The following PAOX variants were observed in gnomAD, a reference collection of about 807,000 sequenced individuals.
PAOX encodes the protein peroxisomal N(1)-acetyl-spermine/spermidine oxidase.
Under a neutral mutation model 39.0 loss-of-function variants are expected in PAOX, and 38 were observed. That is an observed-to-expected ratio of 0.97 (90% CI 0.75 to 1.28). The LOEUF (loss-of-function observed/expected upper bound fraction) is 1.28, where lower values mean the gene tolerates loss of function less well. Among genes scored for constraint, PAOX ranks in the 50% most tolerant of loss-of-function variants. The pLI, the probability that PAOX is intolerant of heterozygous loss-of-function variation, is 0.00. For missense variants in PAOX, 667 were observed against 685.7 expected (o/e 0.97, Z 0.30); for synonymous variants, 311 against 314.4 (o/e 0.99, Z 0.11).
intron 4 of PAOX, among the ~76,000 whole-genome samples, chr10:133,385,575 T>C (rs1849507438): frequency 6.6e-6 from 1 of 152,152 alleles, no homozygotes; most frequent in Non-Finnish European, 1.5e-5. Flanking sequence ...ATTTACCCCA[T>C]GATAAATAAA....
chr10:133,380,410 A>T lies in PAOX; in HGVS notation c.593A>T (p.His198Leu). ...FNLECCVSGT[H>L]SMDLVALAPF... ...CTGGAATGCTGTGTGAGCGGCACCCACAGCATGGACCTGGTGGCCCTGGCA... is the reference window on the plus strand; with the variant it reads ...CTGGAATGCTGTGTGAGCGGCACCCTCAGCATGGACCTGGTGGCCCTGGCA... The change falls in exon 2 of 7, where the codon CAC becomes CTC. Residue 198 changes from histidine to leucine, a missense_variant. Physicochemically the swap from His to Leu is moderately conservative, Grantham distance 99. Coordinates refer to ENST00000278060, the MANE Select transcript of PAOX (RefSeq NM_152911.4). The T allele has an allele frequency of 6.2e-7, 1 of 1,612,798 alleles. No homozygotes were observed. The highest frequency in any genetic ancestry group is 1.3e-5 in the African/African-American group (1 of 75,050).
Position 133,389,064 on chromosome 10 carries a change from G to A in PAOX, c.1230G>A (p.Val410=), listed in dbSNP as rs1849600655. The A allele has an allele frequency of 6.2e-7, 1 of 1,609,546 alleles. No homozygotes were observed. The highest frequency in any genetic ancestry group is 1.7e-5 in the Admixed American group (1 of 59,984). Residue 410 remains valine (V), a synonymous_variant, in exon 5 of 7, where the codon GTG becomes GTA. Transcript: ENST00000278060. The stretch of plus-strand genomic sequence containing the variant: ...GTCTCACCCAAGTGCTCCGGAGAGT[G>A]ACAGGTAGGTACTCACCACACACGC... The part of the protein sequence containing the change: ...LLCLTQVLRR[V]TGNPRLPAPK...
rs1056173483 is a variant in PAOX at position 133,384,213 on chromosome 10, G to A, written c.1121+1G>A. ...GCTTTGTGGTCCTGCCTGCCTTTGC[G>A]TACGTTTGCTCCCTGAGAAGTTCTG... is the stretch of plus-strand genomic sequence containing the variant. On this transcript the variant is annotated splice_donor_variant, in intron 4 of 6. Coordinates refer to ENST00000278060, the MANE Select transcript of PAOX (RefSeq NM_152911.4). LOFTEE classifies it high-confidence loss of function. This position sits in a 1 kb window ranked among gnomAD's most constrained non-coding sequence, Gnocchi z 4.3. 29 of 1,612,632 alleles carry A rather than the reference G, an allele frequency of 1.8e-5. No individual in the cohort carries two copies. Among genetic ancestry groups the A allele is most frequent in the South Asian group, 3.3e-5 (3 of 91,026 alleles).
rs1418350175 is a variant in PAOX at position 133,380,036 on chromosome 10, G to A, written c.219G>A (p.Gly73=). The A allele has an allele frequency of 3.9e-6, 6 of 1,519,912 alleles. No homozygotes were observed. The highest frequency in any genetic ancestry group is 4.4e-6 in the Non-Finnish European group (5 of 1,138,612). 94.2% of individuals were successfully genotyped at this position (1,519,912 alleles called of 1,614,324 possible). ...VVEVGAHWIH[G]PSRGNPVFQL... ...AGGTGGGCGCGCACTGGATCCATGG[G>A]CCCTCCCGGGGTAACCCCGTCTTCC... The change falls in exon 2 of 7, where the codon GGG becomes GGA. Residue 73 remains glycine (G), a synonymous_variant. Coordinates refer to ENST00000278060, the MANE Select transcript of PAOX (RefSeq NM_152911.4).
chr10:133,389,203 C>A, intron 5 of PAOX, 135 bp downstream of exon 5: 1 of 734,304 alleles, frequency 1.4e-6, no homozygotes, highest in Non-Finnish European at 2.4e-6. Context: ...CATCCTTCCT[C>A]ATGTTAGTGG....
Position 133,391,341 on chromosome 10 carries a change from A to G in PAOX, c.1422A>G (p.Thr474=), listed in dbSNP as rs1289275729. ...QLQILFAGEA[T]HRTFYSTTHG... is the part of the protein sequence containing the mutation. ...AGATCCTGTTTGCGGGGGAAGCCAC[A>G]CATCGCACGTTTTACTCCACGACGC... is the stretch of plus-strand genomic sequence containing the variant. The change falls in exon 7 of 7, where the codon ACA becomes ACG. Residue 474 remains threonine (T), a synonymous_variant. Coordinates refer to ENST00000278060, the MANE Select transcript of PAOX (RefSeq NM_152911.4). 2 of 1,613,374 alleles carry G rather than the reference A, an allele frequency of 1.2e-6. No homozygotes were observed. The highest frequency in any genetic ancestry group is 4.5e-5 in the East Asian group (2 of 44,872).
chr10:133,381,355 C>G, intron 2 of PAOX, 105 bp from the exon 3 acceptor site: 1 of 1,104,666 alleles, frequency 9.1e-7, no homozygotes, highest in Non-Finnish European at 1.3e-6. Context: ...GGAGAGCTCC[C>G]CGCAGCTACC....
intron 2 of PAOX, 67 bp from the exon 3 acceptor site, chr10:133,381,391 ACG>A: frequency 6.8e-7 from 1 of 1,470,660 alleles, no homozygotes; most frequent in Non-Finnish European, 9.4e-7. Flanking sequence ...AACTCAGAGC[ACG>A]TATTTCCACC....
intron 4 of PAOX, among the ~76,000 whole-genome samples, chr10:133,385,123 C>T (rs1849496999): frequency 6.6e-6 from 1 of 152,090 alleles, no homozygotes; most frequent in South Asian, 2.1e-4. Flanking sequence ...TGATGAAACC[C>T]CGTCTCTACT....
At position 133,380,505 on chromosome 10, in the gene PAOX, C is replaced by G. The variant is rs1002358563; in HGVS notation, c.668+20C>G. On this transcript the variant is annotated intron_variant, in intron 2 of 6. Transcript: ENST00000278060. ...TTCTAAGTGCGTGCCTGAGCCCCTGCCCCGCCAGTCCTCCCACCAGGCTCC... is the reference window on the plus strand; with the variant it reads ...TTCTAAGTGCGTGCCTGAGCCCCTGGCCCGCCAGTCCTCCCACCAGGCTCC... The G allele has an allele frequency of 1.0e-5, 16 of 1,563,132 alleles. No homozygotes were observed. The Admixed American group carries it at 1.2e-4, about 12-fold the overall frequency.
intron 6 of PAOX, chr10:133,390,847 G>C (rs1849656189): frequency 2.7e-6 from 1 of 376,220 alleles, no homozygotes; most frequent in Admixed American, 3.1e-5. Flanking sequence ...CCCCATATGT[G>C]ATCCAGGAGT....
intron 4 of PAOX, among the ~76,000 whole-genome samples, chr10:133,385,990 TG>T (rs1445596880): frequency 2.0e-5 from 3 of 151,096 alleles, no homozygotes; most frequent in Non-Finnish European, 2.9e-5. Flanking sequence ...TAATGAAGGG[TG>T]GCAGCAGTTT....
At chr10:133,380,629 C>G in intron 2 of PAOX, 144 bp downstream of exon 2, 2 of 1,238,188 alleles carry the variant, frequency 1.6e-6, no homozygotes, top group Non-Finnish European at 2.2e-6. Context: ...TTGCTCCTTT[C>G]CCTAGTTTTG....
rs777007508 is a variant in PAOX at position 133,381,496 on chromosome 10, C to A, written c.705C>A (p.Ala235=). ...YQGLTNCMMA[A]LPEDTVVFEK... Reference sequence around the variant, plus strand: ...GACTCACAAACTGCATGATGGCCGCCCTGCCGGAGGACACTGTAGTTTTTG... The same window carrying A: ...GACTCACAAACTGCATGATGGCCGCACTGCCGGAGGACACTGTAGTTTTTG... The change falls in exon 3 of 7, where the codon GCC becomes GCA. Residue 235 remains alanine, a synonymous_variant. Coordinates refer to ENST00000278060, the MANE Select transcript of PAOX (RefSeq NM_152911.4). 1 of 1,613,744 alleles carries A rather than the reference C, an allele frequency of 6.2e-7. No individual in the cohort carries two copies. Among genetic ancestry groups the A allele is most frequent in the South Asian group, 1.1e-5 (1 of 91,086 alleles).
intron 3 of PAOX, chr10:133,382,845 T>G (rs941885420): frequency 4.0e-5 from 6 of 151,770 alleles, no homozygotes; most frequent in Admixed American, 3.9e-4. Context: ...TGTTTTTTTC[T>G]TAATAGAACT....
At chr10:133,390,023 C>G (rs1849633002) in intron 6 of PAOX, among the ~76,000 whole-genome samples, 1 of 152,140 alleles carries the variant, frequency 6.6e-6, no homozygotes, top group Non-Finnish European at 1.5e-5. Context: ...AGACGGTGCT[C>G]CCAGCTGATT....
At chr10:133,391,216 T>C in intron 6 of PAOX, 96 bp from the exon 7 acceptor site, 1 of 1,281,976 alleles carries the variant, frequency 7.8e-7, no homozygotes, top group Non-Finnish European at 1.1e-6. Context: ...TTTTCCTGCT[T>C]CTTGGTGGAT....
chr10:133,389,665 A>C lies in PAOX; in HGVS notation c.1310A>C (p.Tyr437Ser). 3 of 1,612,826 alleles carry C rather than the reference A, an allele frequency of 1.9e-6. No homozygotes were observed. Among genetic ancestry groups the C allele is most frequent in the South Asian group, 2.2e-5 (2 of 91,066 alleles). ...AGCGCCCCGTACACTAGGGGGTCCT[A>C]CAGCTACGTGGCCGTGGGCAGTACT... ...WHSAPYTRGSYSYVAVGSTGG... is the reference protein window; with the variant it reads ...WHSAPYTRGSSSYVAVGSTGG... The change falls in exon 6 of 7, where the codon TAC becomes TCC. Residue 437 changes from tyrosine (Y) to serine (S), a missense_variant. Tyr to Ser is a moderately radical substitution (Grantham distance 144). Coordinates refer to ENST00000278060, the MANE Select transcript of PAOX (RefSeq NM_152911.4).
chr10:133,384,268 A>G lies in PAOX; in HGVS notation c.1121+56A>G. On this transcript the variant is annotated intron_variant, in intron 4 of 6. Transcript: ENST00000278060. The surrounding 1 kb of genome is among the most constrained non-coding windows in gnomAD (Gnocchi z 4.3). The stretch of plus-strand genomic sequence containing the variant: ...TGGCTGGCTCATAGGCCTTCATCTG[A>G]TGGAGGACGCAGCAGTGTGTCTGTT... The G allele has an allele frequency of 6.3e-7, 1 of 1,592,074 alleles. No homozygotes were observed. The highest frequency in any genetic ancestry group is 1.7e-5 in the Admixed American group (1 of 58,848).
Sources: allele counts gnomAD v4.1 joint callset (sites outside exome capture counted in the v4.1 genomes callset), GRCh38; gene constraint gnomAD v4.1.1; non-coding constraint Gnocchi (gnomAD v3.1); transcripts MANE v1.5; gene names NCBI Gene and HGNC (gene_info 2026-07-23, HGNC 2026-07-21).